EDIL3: variants seen among roughly 807,000 people sequenced by gnomAD.
EDIL3 encodes the protein EGF-like repeat and discoidin I-like domain-containing protein 3.
A neutral mutation model predicts 67.4 loss-of-function variants in EDIL3; 37 were observed. The ratio of observed to expected loss-of-function variants is 0.55; its 90% CI spans 0.42 to 0.72. The LOEUF (loss-of-function observed/expected upper bound fraction) is 0.72, where lower values mean the gene tolerates loss of function less well. EDIL3 is among the 30% of genes least tolerant of loss of function. The pLI is 0.00. For missense variants in EDIL3, 527 were observed against 586.3 expected, an observed-to-expected ratio of 0.90 and a Z score of 1.04; for synonymous variants, 195 against 196.3, an observed-to-expected ratio of 0.99 and a Z score of 0.05.
intron 9 of EDIL3, among the ~76,000 whole-genome samples, chr5:83,992,146 T>C (rs1745161259): frequency 6.6e-6 from 1 of 152,214 alleles, no homozygotes; most frequent in Non-Finnish European, 1.5e-5. Context: ...TTAAGAGCTA[T>C]TGTCACTGTG....
At chr5:83,998,119 A>G (rs1324355966) in intron 9 of EDIL3, among the ~76,000 whole-genome samples, 1 of 152,180 alleles carries the variant, frequency 6.6e-6, no homozygotes, top group Non-Finnish European at 1.5e-5. Flanking sequence ...GCCCGTGGAT[A>G]TGGGGCACAC....
intron 9 of EDIL3, among the ~76,000 whole-genome samples, chr5:84,055,584 T>C (rs1243065715): frequency 6.6e-6 from 1 of 151,794 alleles, no homozygotes; most frequent in East Asian, 1.9e-4. Context: ...ATATCCAGAA[T>C]CTACAAAGAA....
intron 8 of EDIL3, among the ~76,000 whole-genome samples, chr5:84,061,835 C>T (rs1746545941): frequency 6.6e-6 from 1 of 152,114 alleles, no homozygotes; most frequent in African/African-American, 2.4e-5. Context: ...TCAACAAGTA[C>T]TCAATAATAT....
Position 84,161,957 on chromosome 5 carries a change from A to G in EDIL3, c.355+18436T>C, listed in dbSNP as rs566290958. Among the ~76,000 whole-genome samples the G allele has an allele frequency of 5.9e-5, 9 of 152,258 alleles. No homozygotes were observed. In the South Asian group the frequency reaches 1.9e-3, roughly 31 times the overall value. ...TTTAGAATTTAGAATTGAGGACCAT[A>G]AGAGAAACAGCTTTCAACCCACTCT... On this transcript the variant is annotated intron_variant, in intron 4 of 10. Coordinates refer to ENST00000296591, the MANE Select transcript of EDIL3 (RefSeq NM_005711.5).
At chr5:84,005,175 T>C (rs1157914042) in intron 9 of EDIL3, among the ~76,000 whole-genome samples, 1 of 152,058 alleles carries the variant, frequency 6.6e-6, no homozygotes, top group Non-Finnish European at 1.5e-5. Context: ...GTTTTGAAAT[T>C]GAATCAGTAA....
intron 1 of EDIL3, among the ~76,000 whole-genome samples, chr5:84,333,644 T>G (rs1486717514): frequency 1.3e-5 from 2 of 152,176 alleles, no homozygotes; most frequent in Non-Finnish European, 2.9e-5. Flanking sequence ...TTTCATTAAT[T>G]AGACTAAAAG....
chr5:84,103,662 A>C (rs768080265), intron 6 of EDIL3, among the ~76,000 whole-genome samples: 8 of 152,114 alleles, frequency 5.3e-5, no homozygotes, highest in Non-Finnish European at 1.0e-4. Context: ...TGAAACCACA[A>C]TTAGATACCA....
chr5:84,105,916 T>C (rs933536238), intron 6 of EDIL3, among the ~76,000 whole-genome samples: 6 of 152,056 alleles, frequency 3.9e-5, no homozygotes, highest in Non-Finnish European at 7.4e-5. Flanking sequence ...TACTGAATTC[T>C]TCCTCCCTTT....
chr5:84,279,404 C>T (rs767195881), intron 1 of EDIL3, among the ~76,000 whole-genome samples: 3 of 152,146 alleles, frequency 2.0e-5, no homozygotes, highest in Non-Finnish European at 4.4e-5. Context: ...AGCATAAATA[C>T]TGTAATCTGC....
Position 83,970,643 on chromosome 5 carries a change from G to GTA in EDIL3, c.1138-7285_1138-7284dup, listed in dbSNP as rs70975530. On this transcript the variant is annotated intron_variant, in intron 9 of 10. Transcript: ENST00000296591. ...ATACATAATGTGACATAGGATCACA[G>GTA]TATATATATATATATATATATATAT... Among the ~76,000 whole-genome samples, 1,086 of 115,868 alleles carry GTA rather than the reference G, an allele frequency of 9.4e-3. 4 individuals are homozygous for GTA. The highest frequency in any genetic ancestry group is 0.016 in the African/African-American group (409 of 26,098). 76.0% of individuals were successfully genotyped at this position (115,868 alleles called of 152,430 possible).
At chr5:84,106,472 A>C (rs1322330636) in intron 6 of EDIL3, among the ~76,000 whole-genome samples, 177 bp downstream of exon 6, 1 of 152,076 alleles carries the variant, frequency 6.6e-6, no homozygotes, top group Non-Finnish European at 1.5e-5. Context: ...TCTTAATGGA[A>C]TGTGCATGTT....
At chr5:84,155,932 C>T (rs201807151) in intron 4 of EDIL3, among the ~76,000 whole-genome samples, 1 of 152,096 alleles carries the variant, frequency 6.6e-6, no homozygotes, top group Admixed American at 6.6e-5. Context: ...GAATGAAAGA[C>T]TAGATTGACT....
intron 9 of EDIL3, among the ~76,000 whole-genome samples, chr5:83,976,798 C>T (rs960036197): frequency 3.3e-5 from 5 of 151,428 alleles, no homozygotes; most frequent in Non-Finnish European, 5.9e-5. Flanking sequence ...GAATGTACTC[C>T]TAAATAATAA....
intron 1 of EDIL3, among the ~76,000 whole-genome samples, chr5:84,382,276 A>G (rs938791907): frequency 6.6e-6 from 1 of 152,202 alleles, no homozygotes; most frequent in African/African-American, 2.4e-5. Flanking sequence ...GAGTCCAGGC[A>G]ACATCTCCAT....
chr5:84,213,388 C>G (rs781478253), intron 3 of EDIL3, among the ~76,000 whole-genome samples: 4 of 152,060 alleles, frequency 2.6e-5, no homozygotes, highest in Non-Finnish European at 5.9e-5. Context: ...CACTTAAACA[C>G]TAAATTATGA....
chr5:84,061,590 A>G (rs540935640), intron 8 of EDIL3, among the ~76,000 whole-genome samples: 5 of 152,248 alleles, frequency 3.3e-5, no homozygotes, highest in African/African-American at 1.2e-4. Context: ...CCCATTTCCC[A>G]GCTGTGTAGC....
At chr5:84,296,827 A>C (rs906526154) in intron 1 of EDIL3, among the ~76,000 whole-genome samples, 1 of 152,170 alleles carries the variant, frequency 6.6e-6, no homozygotes, top group African/African-American at 2.4e-5. Flanking sequence ...TTTACAATCT[A>C]CCCATCTGAC....
intron 6 of EDIL3, among the ~76,000 whole-genome samples, chr5:84,075,041 T>C (rs7724190): frequency 0.99 from 150,235 of 152,314 alleles, 74,102 homozygotes; most frequent in East Asian, 1. Context: ...GAGCTCATGT[T>C]CTTTGTAGGG....
intron 2 of EDIL3, among the ~76,000 whole-genome samples, chr5:84,241,225 T>G (rs1182284646): frequency 6.6e-6 from 1 of 152,226 alleles, no homozygotes; most frequent in African/African-American, 2.4e-5. Context: ...AGAGAAAGGG[T>G]AGATCACAGG....
Sources: gnomAD v4.1 joint callset for allele counts (sites outside exome capture counted in the v4.1 genomes callset) on GRCh38, gnomAD v4.1.1 for gene constraint, MANE v1.5 for transcripts, NCBI Gene and HGNC (gene_info 2026-07-23, HGNC 2026-07-21) for gene names.